CLDN10: variants seen among roughly 807,000 people sequenced by gnomAD.
CLDN10 encodes the protein claudin 10.
A neutral mutation model predicts 22.9 loss-of-function variants in CLDN10; 15 were observed. That is an observed-to-expected ratio of 0.65 (90% CI 0.44 to 1.01). The LOEUF is 1.01. CLDN10 is among the 50% of genes least tolerant of loss of function. The probability of loss-of-function intolerance (pLI) is 0.00; values close to 1 mark genes in which losing one functional copy is unlikely to be tolerated. For missense variants in CLDN10, 247 were observed against 287.8 expected (o/e 0.86, Z 1.03); for synonymous variants, 114 against 111.4 (o/e 1.02, Z -0.15).
chr13:95,564,618 T>C lies in CLDN10; in HGVS notation c.464+4155T>C, dbSNP rs79083462. ...AGATTTGTATGCCGTGTTAATTGGA[T>C]CTTCTTTGTAGATTTCCAGGACAAC... On this transcript the variant is annotated intron_variant, in intron 3 of 4. Transcript: ENST00000299339. Among the ~76,000 whole-genome samples the C allele has an allele frequency of 8.9e-3, 1,360 of 152,312 alleles. 20 individuals are homozygous for C. Among genetic ancestry groups the C allele is most frequent in the African/African-American group, 0.031 (1,296 of 41,552 alleles).
At chr13:95,575,753 C>A (rs905874489) in intron 3 of CLDN10, among the ~76,000 whole-genome samples, 1 of 152,190 alleles carries the variant, frequency 6.6e-6, no homozygotes, top group East Asian at 1.9e-4. Context: ...GCAGCTGTTC[C>A]TTGCCCCATC....
intron 1 of CLDN10, among the ~76,000 whole-genome samples, chr13:95,469,255 C>T (rs896316077): frequency 6.6e-6 from 1 of 151,810 alleles, no homozygotes; most frequent in Non-Finnish European, 1.5e-5. Context: ...ACTATGAAGG[C>T]AGAAATGATG....
At chr13:95,486,844 A>G (rs1047038660) in intron 1 of CLDN10, among the ~76,000 whole-genome samples, 3 of 152,060 alleles carry the variant, frequency 2.0e-5, no homozygotes, top group Non-Finnish European at 4.4e-5. Flanking sequence ...CTCTCCCTTT[A>G]CCGCCTCAGT....
chr13:95,466,898 A>G (rs1398544006), intron 1 of CLDN10, among the ~76,000 whole-genome samples: 2 of 128,530 alleles, frequency 1.6e-5, no homozygotes, highest in Admixed American at 1.7e-4. Flanking sequence ...TTTTTTTGAG[A>G]CAGAGTCTCG....
chr13:95,549,427 A>G (rs1005697683), upstream of CLDN10, among the ~76,000 whole-genome samples: 3 of 152,234 alleles, frequency 2.0e-5, no homozygotes, highest in Non-Finnish European at 4.4e-5. Context: ...CAAGACATTT[A>G]TCCATTACTT....
chr13:95,457,342 C>T (rs1416729718), intron 1 of CLDN10, among the ~76,000 whole-genome samples: 1 of 152,206 alleles, frequency 6.6e-6, no homozygotes, highest in African/African-American at 2.4e-5. Context: ...AAACAGCCAT[C>T]TTCTACATTG....
chr13:95,545,650 AAT>A (rs1291882287), intron 1 of CLDN10, among the ~76,000 whole-genome samples: 2 of 152,180 alleles, frequency 1.3e-5, no homozygotes, highest in Non-Finnish European at 2.9e-5. Context: ...TAGAAATAAA[AAT>A]ATATACCTTA....
chr13:95,497,184 TAAAC>T (rs2042938536), intron 1 of CLDN10: 1 of 152,186 alleles, frequency 6.6e-6, no homozygotes, highest in African/African-American at 2.4e-5. Context: ...TAACTATAAT[TAAAC>T]AATCTATTAT....
intron 1 of CLDN10, among the ~76,000 whole-genome samples, chr13:95,495,765 AAAGAAAG>A (rs2042924006): frequency 6.6e-6 from 1 of 150,902 alleles, no homozygotes; most frequent in Non-Finnish European, 1.5e-5. Flanking sequence ...AAAAGAAAAG[AAAGAAAG>A]AAAGAAAGAA....
In CLDN10 at chr13:95,520,245, A is replaced by T. The variant is rs866896615; in HGVS notation, c.215-39887A>T. Among the ~76,000 whole-genome samples the T allele has an allele frequency of 3.3e-5, 5 of 152,248 alleles. No individual in the cohort carries two copies. The South Asian group carries it at 1.0e-3, about 31-fold the overall frequency. On this transcript the variant is annotated intron_variant, in intron 1 of 4. Transcript: ENST00000376873. ...TTTTAAGCAAAACTTCCATATTAAA[A>T]TAGGTTTCTTTTTCATATACATATA...
intron 1 of CLDN10, among the ~76,000 whole-genome samples, chr13:95,449,135 C>T (rs1013045010): frequency 6.6e-6 from 1 of 152,180 alleles, no homozygotes; most frequent in Non-Finnish European, 1.5e-5. Flanking sequence ...CATTTCCCTC[C>T]TCCATTCCTT....
At chr13:95,510,066 A>G (rs1172756874) in intron 1 of CLDN10, among the ~76,000 whole-genome samples, 1 of 152,234 alleles carries the variant, frequency 6.6e-6, no homozygotes, top group Non-Finnish European at 1.5e-5. Context: ...CCAAATTGCA[A>G]CGGGAAAGCT....
chr13:95,510,453 T>C (rs2043084439), intron 1 of CLDN10, among the ~76,000 whole-genome samples: 1 of 152,194 alleles, frequency 6.6e-6, no homozygotes, highest in Non-Finnish European at 1.5e-5. Flanking sequence ...TCTAGTTCTT[T>C]GTGCTGGCAT....
At chr13:95,491,996 C>T (rs1285120458) in intron 1 of CLDN10, among the ~76,000 whole-genome samples, 1 of 152,172 alleles carries the variant, frequency 6.6e-6, no homozygotes, top group East Asian at 1.9e-4. Flanking sequence ...AGGTTGTCTG[C>T]ACAGAGTCCT....
upstream of CLDN10, among the ~76,000 whole-genome samples, chr13:95,548,271 C>G (rs932838602): frequency 6.6e-6 from 1 of 152,174 alleles, no homozygotes; most frequent in East Asian, 1.9e-4. Context: ...GGGGCCCAAA[C>G]CTTACCCCTC....
At chr13:95,561,998 C>T (rs911343081) in intron 3 of CLDN10, among the ~76,000 whole-genome samples, 16 of 150,850 alleles carry the variant, frequency 1.1e-4, no homozygotes, top group African/African-American at 3.4e-4. Context: ...GGTGCGATCT[C>T]GACTCACTGC....
intron 1 of CLDN10, among the ~76,000 whole-genome samples, chr13:95,506,341 G>A (rs1053693508): frequency 6.6e-6 from 1 of 152,140 alleles, no homozygotes; most frequent in African/African-American, 2.4e-5. Context: ...TTTTCTTAAG[G>A]ACAGTCAGGC....
chr13:95,569,583 G>A (rs1223799327), intron 3 of CLDN10, among the ~76,000 whole-genome samples: 1 of 151,922 alleles, frequency 6.6e-6, no homozygotes, highest in Non-Finnish European at 1.5e-5. Flanking sequence ...GTGAGACTCT[G>A]CCTCAAAAAA....
At chr13:95,460,820 A>C (rs1430420517) in intron 1 of CLDN10, among the ~76,000 whole-genome samples, 1 of 151,916 alleles carries the variant, frequency 6.6e-6, no homozygotes, top group Admixed American at 6.6e-5. Context: ...CTAAAATTTT[A>C]ATTTTTAGCT....
Sources: gnomAD v4.1 joint callset for allele counts (sites outside exome capture counted in the v4.1 genomes callset) on GRCh38, gnomAD v4.1.1 for gene constraint, MANE v1.5 for transcripts, NCBI Gene and HGNC (gene_info 2026-07-23, HGNC 2026-07-21) for gene names.